The following COL5A2 variants were observed in gnomAD, a reference collection of about 807,000 sequenced individuals.
COL5A2 encodes collagen type V alpha 2 chain, also known as collagen alpha-2(V) chain.
Under a neutral mutation model 208.2 loss-of-function variants are expected in COL5A2, and 23 were observed. That is an observed-to-expected ratio of 0.11 (90% CI 0.08 to 0.16). The LOEUF (loss-of-function observed/expected upper bound fraction) is 0.16, where lower values mean the gene tolerates loss of function less well. Among genes scored for constraint, COL5A2 ranks in the 10% least tolerant of loss-of-function variants. The probability of loss-of-function intolerance (pLI) is 1.00; values close to 1 mark genes in which losing one functional copy is unlikely to be tolerated. For synonymous variants in COL5A2, 625 were observed against 628.5 expected, an observed-to-expected ratio of 0.99 and a Z score of 0.08; for missense variants, 1,590 against 1,956.4, an observed-to-expected ratio of 0.81 and a Z score of 3.53.
At chr2:189,224,516 C>T (rs1689388368) in intron 1 of COL5A2, among the ~76,000 whole-genome samples, 1 of 151,868 alleles carries the variant, frequency 6.6e-6, no homozygotes, top group African/African-American at 2.4e-5. Flanking sequence ...TGGCAAAACC[C>T]TGTCTCTACT....
chr2:189,061,746 TAATA>T (rs1686037656), intron 29 of COL5A2, 131 bp from the exon 30 acceptor site: 1 of 740,996 alleles, frequency 1.3e-6, no homozygotes, highest in Admixed American at 2.1e-5. Flanking sequence ...TTTAGCCAGG[TAATA>T]AACTAGTATT....
At chr2:189,189,544 A>G (rs1347415853) in intron 1 of COL5A2, among the ~76,000 whole-genome samples, 1 of 152,106 alleles carries the variant, frequency 6.6e-6, no homozygotes, top group Non-Finnish European at 1.5e-5. Context: ...AATAAAATAA[A>G]TTAGCCAGGC....
chr2:189,415,512 G>A, the COL5A2 span, among the ~76,000 whole-genome samples: 1 of 151,920 alleles, frequency 6.6e-6, no homozygotes, highest in Non-Finnish European at 1.5e-5. Context: ...GAAGAATTCT[G>A]CCTCTCTACA....
chr2:189,247,124 T>C, the COL5A2 span, among the ~76,000 whole-genome samples: 2 of 152,200 alleles, frequency 1.3e-5, no homozygotes, highest in African/African-American at 2.4e-5. Context: ...AGAATGGTGA[T>C]GAGGTCCAAG....
chr2:189,060,622 C>A, intron 31 of COL5A2, 108 bp downstream of exon 31: 1 of 954,070 alleles, frequency 1.0e-6, no homozygotes, highest in South Asian at 1.3e-5. Flanking sequence ...TTTGAGAACT[C>A]AAAGAGATAA....
chr2:189,221,960 T>C (rs1576590108), intron 1 of COL5A2, among the ~76,000 whole-genome samples: 1 of 152,098 alleles, frequency 6.6e-6, no homozygotes. Context: ...TTCTGAAATA[T>C]GAATGTGTAC....
intron 1 of COL5A2, among the ~76,000 whole-genome samples, chr2:189,159,308 C>G (rs1026220449): frequency 1.3e-5 from 2 of 152,166 alleles, no homozygotes; most frequent in Non-Finnish European, 2.9e-5. Flanking sequence ...AATTGTATCT[C>G]TCATATTAGG....
chr2:189,310,250 C>T, the COL5A2 span, among the ~76,000 whole-genome samples: 9 of 151,872 alleles, frequency 5.9e-5, no homozygotes, highest in South Asian at 2.1e-4. Context: ...ATAAAAAAAC[C>T]GGCAAAAGAT....
upstream of COL5A2, among the ~76,000 whole-genome samples, chr2:189,181,942 AT>A (rs1247299904): frequency 3.3e-5 from 5 of 152,188 alleles, no homozygotes; most frequent in Admixed American, 3.3e-4. Context: ...CATAGCAAAT[AT>A]TTGTCAGAAG....
At chr2:189,367,888 G>A in the COL5A2 span, among the ~76,000 whole-genome samples, 1 of 151,998 alleles carries the variant, frequency 6.6e-6, no homozygotes, top group Non-Finnish European at 1.5e-5. Context: ...AAAATAAGCA[G>A]CCATCTGTTT....
the COL5A2 span, among the ~76,000 whole-genome samples, chr2:189,323,753 A>AG: frequency 1.3e-5 from 2 of 152,192 alleles, no homozygotes; most frequent in Admixed American, 1.3e-4. Flanking sequence ...TGCCCAAGGT[A>AG]ATTTATAGAT....
chr2:189,055,555 C>A (rs1382329958), intron 35 of COL5A2, among the ~76,000 whole-genome samples: 1 of 152,144 alleles, frequency 6.6e-6, no homozygotes, highest in East Asian at 1.9e-4. Context: ...TCTGGATCTA[C>A]AATGGAATGA....
intron 2 of COL5A2, among the ~76,000 whole-genome samples, chr2:189,107,079 G>C (rs1245412451): frequency 6.6e-6 from 1 of 151,252 alleles, no homozygotes; most frequent in Non-Finnish European, 1.5e-5. Context: ...TTCCTTCATA[G>C]TAAAACTTTG....
chr2:189,237,108 G>A, the COL5A2 span, among the ~76,000 whole-genome samples: 1 of 151,514 alleles, frequency 6.6e-6, no homozygotes, highest in African/African-American at 2.4e-5. Flanking sequence ...ATTTTTATCT[G>A]GAATCTGGTT....
the COL5A2 span, among the ~76,000 whole-genome samples, chr2:189,394,435 A>T: frequency 6.6e-6 from 1 of 152,160 alleles, no homozygotes; most frequent in Non-Finnish European, 1.5e-5. Flanking sequence ...AGGTCATGAG[A>T]GTTACCTTAT....
chr2:189,036,252 G>C (rs1417492391), intron 52 of COL5A2, among the ~76,000 whole-genome samples: 2 of 152,018 alleles, frequency 1.3e-5, no homozygotes, highest in Non-Finnish European at 1.5e-5. Flanking sequence ...GAGGTAACCA[G>C]GTCTGCTGAA....
At chr2:189,258,001 C>G in the COL5A2 span, among the ~76,000 whole-genome samples, 1 of 151,814 alleles carries the variant, frequency 6.6e-6, no homozygotes, top group Non-Finnish European at 1.5e-5. Context: ...GCAGTCCCAG[C>G]TACTCAGGAG....
intron 42 of COL5A2, among the ~76,000 whole-genome samples, chr2:189,051,000 G>T (rs1229785164): frequency 1.3e-5 from 2 of 151,778 alleles, no homozygotes; most frequent in African/African-American, 4.8e-5. Flanking sequence ...AAGGAAAAAA[G>T]AGTTATCTAA....
the COL5A2 span, among the ~76,000 whole-genome samples, chr2:189,391,316 A>G: frequency 6.6e-6 from 1 of 152,134 alleles, no homozygotes; most frequent in Non-Finnish European, 1.5e-5. Context: ...TTAATGTTTG[A>G]GCTGCACATG....
Sources: allele counts gnomAD v4.1 joint callset (sites outside exome capture counted in the v4.1 genomes callset), GRCh38; gene constraint gnomAD v4.1.1; transcripts MANE v1.5; gene names NCBI Gene and HGNC (gene_info 2026-07-23, HGNC 2026-07-21).